The following GPR137B variants were observed in gnomAD, a reference collection of about 807,000 sequenced individuals.
GPR137B encodes integral membrane protein GPR137B.
Under a neutral mutation model 42.5 loss-of-function variants are expected in GPR137B, and 42 were observed. That is an observed-to-expected ratio of 0.99 (90% confidence interval 0.77 to 1.28). The LOEUF is 1.28. Ranked by LOEUF, GPR137B falls within the 50% of genes most tolerant of loss-of-function variation. GPR137B has a pLI of 0.00. For missense variants in GPR137B, 487 were observed against 493.9 expected (o/e 0.99, Z 0.13); for synonymous variants, 218 against 209.7 (o/e 1.04, Z -0.34).
chr1:236,158,948 C>G (rs1331620658), intron 1 of GPR137B, among the ~76,000 whole-genome samples: 1 of 152,184 alleles, frequency 6.6e-6, no homozygotes, highest in Non-Finnish European at 1.5e-5. Context: ...TCAGAGGTGA[C>G]TTCTGTTGAG....
chr1:236,164,424 C>T (rs533751618), intron 1 of GPR137B, among the ~76,000 whole-genome samples: 1 of 152,300 alleles, frequency 6.6e-6, no homozygotes, highest in Non-Finnish European at 1.5e-5. Context: ...TTCACGTCTG[C>T]CTCCCCACAG....
Position 236,205,114 on chromosome 1 carries a change from C to A in GPR137B, c.967-12C>A. 6.2e-7 allele frequency: 1 copy of A among 1,609,162 alleles called. No homozygotes were observed. Among genetic ancestry groups the A allele is most frequent in the Non-Finnish European group, 8.5e-7 (1 of 1,176,108 alleles). The stretch of plus-strand genomic sequence containing the variant: ...GTCTGTAAGTATGCTGAATGATTAC[C>A]TGTCTTTCTAGACCAACCCTGGAAT... On this transcript the variant is annotated splice_polypyrimidine_tract_variant and intron_variant, in intron 5 of 6. Coordinates refer to ENST00000366592, the MANE Select transcript of GPR137B (RefSeq NM_003272.4).
rs1269129093 is a variant in GPR137B, at chr1:236,150,877, C to T, written c.414+7841C>T. Among the ~76,000 whole-genome samples the T allele has an allele frequency of 1.3e-5, 2 of 152,186 alleles. No homozygotes were observed. The highest frequency in any genetic ancestry group is 6.5e-5 in the Admixed American group (1 of 15,278). On this transcript the variant is annotated intron_variant, in intron 1 of 6. Coordinates refer to ENST00000366592, the MANE Select transcript of GPR137B (RefSeq NM_003272.4). The surrounding 1 kb of genome is among the most constrained non-coding windows in gnomAD (Gnocchi z 6.2). ...CCATGGCTGTCCCGCTGCTGCTGTG[C>T]CCACCCTCTGAGCCCCAGGCTAGCT...
Position 236,164,678 on chromosome 1 carries a change from G to C in GPR137B, c.415-4028G>C, listed in dbSNP as rs934846654. 7.9e-5 allele frequency among the ~76,000 whole-genome samples: 12 copies of C among 152,074 alleles called. 1 individual carries two copies. Among genetic ancestry groups the C allele is most frequent in the Admixed American group, 3.9e-4 (6 of 15,270 alleles). On this transcript the variant is annotated intron_variant, in intron 1 of 6. Coordinates refer to ENST00000366592, the MANE Select transcript of GPR137B (RefSeq NM_003272.4). ...TTGGTTTATGCCCTTTAATTAATGA[G>C]GGCAAAAGTTGTACTGAAATTATAT...
chr1:236,183,940 T>C, intron 5 of GPR137B, 34 bp downstream of exon 5: 1 of 1,487,356 alleles, frequency 6.7e-7, no homozygotes, highest in Non-Finnish European at 9.3e-7. Context: ...TAAGAAAATG[T>C]CTCCTAATTC....
chr1:236,193,520 C>T (rs573762169), intron 5 of GPR137B, among the ~76,000 whole-genome samples: 52 of 152,218 alleles, frequency 3.4e-4, no homozygotes, highest in African/African-American at 1.0e-3. Flanking sequence ...GATTCCTCCA[C>T]GCTCCTAGCA....
chr1:236,164,058 C>A (rs915756381), intron 1 of GPR137B, among the ~76,000 whole-genome samples: 1 of 151,730 alleles, frequency 6.6e-6, no homozygotes, highest in Admixed American at 6.6e-5. Flanking sequence ...CCTCTCCACA[C>A]CTCCCCATGC....
At chr1:236,148,633 G>T (rs529286397) in intron 1 of GPR137B, among the ~76,000 whole-genome samples, 1 of 152,172 alleles carries the variant, frequency 6.6e-6, no homozygotes, top group Non-Finnish European at 1.5e-5. Flanking sequence ...GGTCTGGTCT[G>T]TTCTGTTCTG....
intron 1 of GPR137B, among the ~76,000 whole-genome samples, chr1:236,161,272 C>T (rs1365324466): frequency 6.6e-6 from 1 of 152,138 alleles, no homozygotes; most frequent in Non-Finnish European, 1.5e-5. Flanking sequence ...GCACCCTTAC[C>T]CTGGACAGCG....
rs113968459 is a variant in GPR137B at position 236,171,930 on chromosome 1, T to C, written c.464+3175T>C. Among the ~76,000 whole-genome samples, 2,836 of 152,028 alleles carry C rather than the reference T, an allele frequency of 0.019. 83 individuals carry two copies. Among genetic ancestry groups the C allele is most frequent in the African/African-American group, 0.063 (2,625 of 41,436 alleles). Reference sequence around the variant, plus strand: ...GGCGCATGCCTGTAATCCCAGCTACTTGGGAGGCTGAGGCAGGAGAATCAC... The same window carrying C: ...GGCGCATGCCTGTAATCCCAGCTACCTGGGAGGCTGAGGCAGGAGAATCAC... On this transcript the variant is annotated intron_variant, in intron 2 of 6. Transcript: ENST00000366592. This position sits in a 1 kb window ranked among gnomAD's most constrained non-coding sequence, Gnocchi z 4.4.
intron 5 of GPR137B, among the ~76,000 whole-genome samples, chr1:236,204,286 A>G (rs577676178): frequency 6.6e-6 from 1 of 152,142 alleles, no homozygotes; most frequent in Admixed American, 6.5e-5. Flanking sequence ...AATCTTTCCA[A>G]TGTATTGTTG....
At chr1:236,180,064 G>C in intron 4 of GPR137B, 36 bp downstream of exon 4, 1 of 1,576,252 alleles carries the variant, frequency 6.3e-7, no homozygotes, top group Non-Finnish European at 8.7e-7. Flanking sequence ...CACCTGACCA[G>C]GGACTCTTGG....
At chr1:236,196,132 ATTTATT>A (rs1005834555) in intron 5 of GPR137B, among the ~76,000 whole-genome samples, 7 of 151,892 alleles carry the variant, frequency 4.6e-5, no homozygotes, top group African/African-American at 1.7e-4. Context: ...TCATGAATTC[ATTTATT>A]TTTATTTTTA....
At chr1:236,192,157 C>T (rs56810408) in intron 5 of GPR137B, among the ~76,000 whole-genome samples, 22,701 of 152,132 alleles carry the variant, frequency 0.15, 1,874 homozygotes, top group East Asian at 0.21. Context: ...TCAGCAATGG[C>T]GGATGTCCCT....
chr1:236,163,389 G>A (rs1662255408), intron 1 of GPR137B, among the ~76,000 whole-genome samples: 1 of 152,188 alleles, frequency 6.6e-6, no homozygotes, highest in African/African-American at 2.4e-5. Flanking sequence ...ATGCTGAAAT[G>A]AGTTAAGACT....
chr1:236,207,270 A>G, intron 6 of GPR137B: 3 of 985,424 alleles, frequency 3.0e-6, no homozygotes, highest in Non-Finnish European at 3.6e-6. Context: ...GAGCCAGCAG[A>G]TGTAAAGAAC....
intron 1 of GPR137B, among the ~76,000 whole-genome samples, chr1:236,163,986 C>T (rs1247411339): frequency 6.6e-6 from 1 of 151,332 alleles, no homozygotes; most frequent in African/African-American, 2.4e-5. Context: ...CAACACCTCT[C>T]ATACCTCCTC....
chr1:236,148,780 G>C (rs1365074260), intron 1 of GPR137B, among the ~76,000 whole-genome samples: 1 of 152,076 alleles, frequency 6.6e-6, no homozygotes. Flanking sequence ...AGTCGGTGTT[G>C]GGAGCTCATC....
chr1:236,170,588 G>A (rs975952546), intron 2 of GPR137B, among the ~76,000 whole-genome samples: 1 of 152,180 alleles, frequency 6.6e-6, no homozygotes, highest in African/African-American at 2.4e-5. Flanking sequence ...TGGTCCCAAG[G>A]AGAGCAATTT....
Sources: allele counts gnomAD v4.1 joint callset (sites outside exome capture counted in the v4.1 genomes callset), GRCh38; gene constraint gnomAD v4.1.1; non-coding constraint Gnocchi (gnomAD v3.1); transcripts MANE v1.5; gene names NCBI Gene and HGNC (gene_info 2026-07-23, HGNC 2026-07-21).